The following SP2 variants were observed in gnomAD, a reference collection of about 807,000 sequenced individuals.
SP2 encodes transcription factor Sp2.
SP2 carries 9 observed loss-of-function variants against 50.1 expected under a neutral mutation model. The ratio of observed to expected loss-of-function variants is 0.18; its 90% CI spans 0.11 to 0.31. SP2 has a LOEUF of 0.31. Among genes scored for constraint, SP2 ranks in the 10% least tolerant of loss-of-function variants. The pLI is 1.00. For missense variants in SP2, 581 were observed against 806.5 expected (o/e 0.72, Z 3.39); for synonymous variants, 313 against 326.6 (o/e 0.96, Z 0.45).
chr17:47,919,438 T>C lies in SP2; in HGVS notation c.1059+2308T>C, dbSNP rs562521660. Among the ~76,000 whole-genome samples the C allele has an allele frequency of 2.2e-4, 33 of 152,110 alleles. No individual in the cohort carries two copies. In the South Asian group the frequency reaches 6.0e-3, roughly 28 times the overall value. Reference sequence around the variant, plus strand: ...AAAAAAAAAATTTTTTTTAAAGAGATGAGATGTTTGTTAGCTTTTAAGTGA... The same window carrying C: ...AAAAAAAAAATTTTTTTTAAAGAGACGAGATGTTTGTTAGCTTTTAAGTGA... On this transcript the variant is annotated intron_variant, in intron 3 of 6. Coordinates refer to ENST00000376741, the MANE Select transcript of SP2 (RefSeq NM_003110.6).
Position 47,916,375 on chromosome 17 carries a change from A to C in SP2, c.304A>C (p.Ser102Arg). The C allele has an allele frequency of 6.2e-7, 1 of 1,614,060 alleles. No individual in the cohort carries two copies. The change falls in exon 3 of 7, where the codon AGC (serine) becomes CGC (arginine). Residue 102 changes from serine (S) to arginine (R), a missense_variant. This residue lies in a region of SP2 where 397 missense variants were observed against 491.0 expected (regional missense o/e 0.81). Coordinates refer to ENST00000376741, the MANE Select transcript of SP2 (RefSeq NM_003110.6). The surrounding 1 kb of genome is among the most constrained non-coding windows in gnomAD (Gnocchi z 4.7). ...ACTTCAGATTCAGGGGTCACAACTG[A>C]GCGCCTCCTATCCTGGAGGGCAGCT... ...NILQIQGSQL[S>R]ASYPGGQLVF...
At position 47,909,575 on chromosome 17, in the gene SP2, A is replaced by G. The variant is rs543954505; in HGVS notation, c.8-5737A>G. On this transcript the variant is annotated intron_variant, in intron 1 of 6. Transcript: ENST00000376741. ...CCAGGACTTATTAAACTTTAAAGCC[A>G]TATATGCCTTTAAACCCTCGATGCA... 16 of 321,028 alleles carry G rather than the reference A, an allele frequency of 5.0e-5. No homozygotes were observed. In the East Asian group the frequency reaches 1.9e-3, roughly 37 times the overall value. The allele number at this position is 321,028 out of a possible 1,614,324, so 19.9% of individuals were successfully genotyped here.
Position 47,915,281 on chromosome 17 carries a change from A to G in SP2, c.8-31A>G, listed in dbSNP as rs772033827. On this transcript the variant is annotated intron_variant, in intron 1 of 6. Coordinates refer to ENST00000376741, the MANE Select transcript of SP2 (RefSeq NM_003110.6). ...GGCTTGCGTTCTTTTTGGGCATTTT[A>G]TACATTACTCCATCTCTTTTCTTCC... 2.6e-6 allele frequency: 4 copies of G among 1,520,764 alleles called. No homozygotes were observed. The African/African-American group carries it at 4.2e-5, about 16-fold the overall frequency. The allele number at this position is 1,520,764 out of a possible 1,614,324, so 94.2% of individuals were successfully genotyped here.
At chr17:47,919,653 A>G (rs2035356197) in intron 3 of SP2, among the ~76,000 whole-genome samples, 1 of 151,976 alleles carries the variant, frequency 6.6e-6, no homozygotes, top group South Asian at 2.1e-4. Context: ...ACCACAATAC[A>G]ATCGTCAAAC....
chr17:47,919,871 G>C (rs903752841), intron 3 of SP2, among the ~76,000 whole-genome samples: 1 of 125,010 alleles, frequency 8.0e-6, no homozygotes, highest in Admixed American at 9.6e-5. Flanking sequence ...ACAGGGTCTC[G>C]TTCTGTCACC....
chr17:47,902,406 A>G (rs139802012), intron 1 of SP2, among the ~76,000 whole-genome samples: 2 of 152,160 alleles, frequency 1.3e-5, no homozygotes, highest in East Asian at 3.8e-4. Context: ...ACATGGTTTC[A>G]TTTAAGTGTG....
chr17:47,901,456 G>T (rs1322914589), intron 1 of SP2, among the ~76,000 whole-genome samples: 5 of 148,228 alleles, frequency 3.4e-5, no homozygotes, highest in African/African-American at 1.3e-4. Context: ...TGTTTTTTTT[G>T]TTTTTTGTTT....
chr17:47,902,978 A>G lies in SP2; in HGVS notation c.7+6685A>G, dbSNP rs374433915. Among the ~76,000 whole-genome samples, 16 of 151,928 alleles carry G rather than the reference A, an allele frequency of 1.1e-4. No individual in the cohort carries two copies. The East Asian group carries it at 2.3e-3, about 22-fold the overall frequency. On this transcript the variant is annotated intron_variant, in intron 1 of 6. Transcript: ENST00000376741. Reference sequence around the variant, plus strand: ...GCCATGTTGGCCAGGCTGGTCTCCAACTCCTGACCTCAGGTGATCCACCTG... The same window carrying G: ...GCCATGTTGGCCAGGCTGGTCTCCAGCTCCTGACCTCAGGTGATCCACCTG...
At chr17:47,907,385 G>A (rs1427086474) in intron 1 of SP2, among the ~76,000 whole-genome samples, 4 of 152,064 alleles carry the variant, frequency 2.6e-5, no homozygotes, top group East Asian at 3.9e-4. Context: ...TGGTCCCATC[G>A]GGCACCTGCA....
chr17:47,911,590 C>T (rs910443055), intron 1 of SP2, among the ~76,000 whole-genome samples: 7 of 151,844 alleles, frequency 4.6e-5, no homozygotes, highest in African/African-American at 1.2e-4. Context: ...AGGCGGATCA[C>T]GAGGTCAGGA....
In SP2 at chr17:47,923,040, T is replaced by C. The variant is rs62067380; in HGVS notation, c.1138T>C (p.Ser380Pro). 227,064 of 1,614,022 alleles carry C rather than the reference T, an allele frequency of 0.14. 17,094 individuals carry two copies. The highest frequency in any genetic ancestry group is 0.15 in the Non-Finnish European group (177,961 of 1,179,964). The change falls in exon 4 of 7, where the codon TCT (serine) becomes CCT (proline). Residue 380 changes from serine to proline, a missense_variant. By Grantham distance (74) the Ser-to-Pro change is moderately conservative. Around this residue, in one of 2 missense-constraint regions of SP2, gnomAD observed 397 missense variants for 491.0 expected, o/e 0.81. Coordinates refer to ENST00000376741, the MANE Select transcript of SP2 (RefSeq NM_003110.6). ...DSPPATAAAT[S>P]NTTCSSPASR... is the part of the protein sequence containing the mutation. ...CCCCCCAGCAACAGCTGCAGCCACCTCTAACACCACCTGTAGCAGCCCTGC... is the reference window on the plus strand; with the variant it reads ...CCCCCCAGCAACAGCTGCAGCCACCCCTAACACCACCTGTAGCAGCCCTGC...
In SP2 at chr17:47,916,209, C is replaced by T. The variant is rs770734055; in HGVS notation, c.138C>T (p.Gly46=). Residue 46 remains glycine, a synonymous_variant, in exon 3 of 7, where the codon GGC becomes GGT. Transcript: ENST00000376741. The surrounding 1 kb of genome is among the most constrained non-coding windows in gnomAD (Gnocchi z 4.7). Reference sequence around the variant, plus strand: ...TTGCTGCAACATGTAGCAAAATTGGCCCTCCAGCAGTTGAAGCTGCTGTGA... The same window carrying T: ...TTGCTGCAACATGTAGCAAAATTGGTCCTCCAGCAGTTGAAGCTGCTGTGA... ...ALLAATCSKI[G]PPAVEAAVTP... 6.2e-7 allele frequency: 1 copy of T among 1,613,796 alleles called. No homozygotes were observed. The highest frequency in any genetic ancestry group is 1.1e-5 in the South Asian group (1 of 91,032).
At position 47,927,794 on chromosome 17, in the gene SP2, C is replaced by A; in HGVS notation, c.1812C>A (p.Tyr604Ter). The change falls in exon 7 of 7, where the codon TAC becomes TAA. Residue 604 changes from tyrosine (Y) to a stop codon, truncating the protein, a stop_gained. Coordinates refer to ENST00000376741, the MANE Select transcript of SP2 (RefSeq NM_003110.6). LOFTEE classifies it high-confidence loss of function. ...GGAGTGACCACCTCACCAAGCATTA[C>A]AAGACCCACCTGGTCACGAAGAACT... is the stretch of plus-strand genomic sequence containing the variant. Reference protein sequence around the residue: ...FMRSDHLTKHYKTHLVTKNL With the variant: ...FMRSDHLTKH 1 of 1,597,794 alleles carries A rather than the reference C, an allele frequency of 6.3e-7. No homozygotes were observed. Among genetic ancestry groups the A allele is most frequent in the Non-Finnish European group, 8.5e-7 (1 of 1,171,728 alleles).
downstream of SP2, among the ~76,000 whole-genome samples, chr17:47,930,792 T>C (rs1255634517): frequency 6.6e-6 from 1 of 152,036 alleles, no homozygotes; most frequent in Non-Finnish European, 1.5e-5. Context: ...TAGTTCCTCC[T>C]CTGTCCTCTA....
chr17:47,926,768 A>G (rs996415653), intron 6 of SP2, among the ~76,000 whole-genome samples: 3 of 152,056 alleles, frequency 2.0e-5, no homozygotes, highest in Admixed American at 1.3e-4. Flanking sequence ...TTAAAAAAAA[A>G]AAAGGATTAT....
chr17:47,913,005 A>G (rs1598133741), intron 1 of SP2, among the ~76,000 whole-genome samples: 1 of 151,358 alleles, frequency 6.6e-6, no homozygotes, highest in Non-Finnish European at 1.5e-5. Context: ...GATTACGGGC[A>G]CCTGCCACCA....
Position 47,896,252 on chromosome 17 carries a change from C to A in SP2, c.-35C>A. 7 of 1,238,920 alleles carry A rather than the reference C, an allele frequency of 5.7e-6. No homozygotes were observed. Among genetic ancestry groups the A allele is most frequent in the Non-Finnish European group, 7.1e-6 (7 of 988,720 alleles). 76.7% of individuals were successfully genotyped at this position (1,238,920 alleles called of 1,614,324 possible). On this transcript the variant is annotated 5_prime_UTR_variant, in exon 1 of 7. Coordinates refer to ENST00000376741, the MANE Select transcript of SP2 (RefSeq NM_003110.6). ...GGCGGTGTCAGGCTCTCGGTGGCGGCGGAGGCGGCGGAGGCCAGGGAGGAA... is the reference window on the plus strand; with the variant it reads ...GGCGGTGTCAGGCTCTCGGTGGCGGAGGAGGCGGCGGAGGCCAGGGAGGAA...
intron 3 of SP2, 68 bp downstream of exon 3, chr17:47,917,198 T>A: frequency 6.8e-7 from 1 of 1,472,722 alleles, no homozygotes; most frequent in South Asian, 1.3e-5. Flanking sequence ...GCTTTGAAGA[T>A]GATGCTGGTC....
Position 47,928,087 on chromosome 17 carries a change from A to C in SP2, c.*263A>C. On this transcript the variant is annotated 3_prime_UTR_variant, in exon 7 of 7. Transcript: ENST00000376741. ...TGGCCGTGCCCAATGAGACGTTCTA[A>C]ACCAGGACGCGTGGGAACCCTTATT... is the stretch of plus-strand genomic sequence containing the variant. The C allele has an allele frequency of 2.4e-6, 1 of 424,712 alleles. No individual in the cohort carries two copies. Among genetic ancestry groups the C allele is most frequent in the Non-Finnish European group, 4.3e-6 (1 of 232,584 alleles). The allele number at this position is 424,712 out of a possible 1,614,324, so 26.3% of individuals were successfully genotyped here.
Sources: gnomAD v4.1 joint callset for allele counts (sites outside exome capture counted in the v4.1 genomes callset) on GRCh38, gnomAD v4.1.1 for gene constraint, gnomAD v4.1.1 regional missense constraint, Gnocchi (gnomAD v3.1) non-coding constraint, MANE v1.5 for transcripts, NCBI Gene and HGNC (gene_info 2026-07-23, HGNC 2026-07-21) for gene names.